Variants in CDH8 observed in about 807,000 individuals in gnomAD.
CDH8 encodes the protein cadherin 8.
In CDH8, 17 loss-of-function variants were observed where a neutral mutation model predicts 68.1. The observed-to-expected ratio is 0.25, with a 90% CI of 0.17 to 0.37. The LOEUF (loss-of-function observed/expected upper bound fraction) is 0.37, where lower values mean the gene tolerates loss of function less well. Among genes scored for constraint, CDH8 ranks in the 10% least tolerant of loss-of-function variants. The probability of loss-of-function intolerance (pLI) is 1.00; values close to 1 mark genes in which losing one functional copy is unlikely to be tolerated. For missense variants in CDH8, 763 were observed against 999.3 expected, an observed-to-expected ratio of 0.76 and a Z score of 3.19; for synonymous variants, 372 against 365.1, an observed-to-expected ratio of 1.02 and a Z score of -0.21.
intron 8 of CDH8, among the ~76,000 whole-genome samples, chr16:61,747,770 A>G (rs1766996401): frequency 6.6e-6 from 1 of 151,848 alleles, no homozygotes; most frequent in Admixed American, 6.6e-5. Flanking sequence ...AATTGTTGGC[A>G]CACTAAAATA....
chr16:61,666,206 G>GTGTGTGTGTA (rs372906173), intron 10 of CDH8, among the ~76,000 whole-genome samples: 3 of 145,500 alleles, frequency 2.1e-5, no homozygotes, highest in African/African-American at 7.7e-5. Context: ...GTGTGTGTGT[G>GTGTGTGTGTA]TATATATATA....
intron 10 of CDH8, among the ~76,000 whole-genome samples, chr16:61,670,063 C>G (rs28508215): frequency 0.19 from 28,389 of 151,956 alleles, 2,954 homozygotes; most frequent in Middle Eastern, 0.26. Flanking sequence ...TATTGATTGC[C>G]TATTTTTTCC....
chr16:61,819,919 T>C (rs1436054065), intron 6 of CDH8, among the ~76,000 whole-genome samples: 1 of 152,044 alleles, frequency 6.6e-6, no homozygotes, highest in African/African-American at 2.4e-5. Flanking sequence ...TTGAAGAAAA[T>C]AATCAGGATG....
At chr16:61,693,001 A>C (rs1226775122) in intron 10 of CDH8, 2 of 152,194 alleles carry the variant, frequency 1.3e-5, no homozygotes, top group Non-Finnish European at 2.9e-5. Context: ...AACACACAAA[A>C]TAAATTTGTG....
intron 9 of CDH8, among the ~76,000 whole-genome samples, chr16:61,723,602 T>C (rs560696064): frequency 6.6e-6 from 1 of 150,868 alleles, no homozygotes; most frequent in Admixed American, 6.6e-5. Flanking sequence ...GAAAATTCCA[T>C]GAAGGTAAAA....
At chr16:61,751,536 G>A (rs1960165280) in intron 8 of CDH8, among the ~76,000 whole-genome samples, 1 of 151,822 alleles carries the variant, frequency 6.6e-6, no homozygotes, top group Non-Finnish European at 1.5e-5. Context: ...TAGCTGTCTT[G>A]ATGTGCTTAA....
At chr16:61,948,291 G>A (rs991662888) in intron 2 of CDH8, among the ~76,000 whole-genome samples, 19 of 152,100 alleles carry the variant, frequency 1.2e-4, no homozygotes, top group African/African-American at 3.1e-4. Context: ...AATCATTGTC[G>A]GGTATATTTT....
At chr16:61,819,982 T>C (rs191782390) in intron 6 of CDH8, among the ~76,000 whole-genome samples, 1 of 152,232 alleles carries the variant, frequency 6.6e-6, no homozygotes, top group Admixed American at 6.5e-5. Flanking sequence ...AAGAATGAAC[T>C]ATGTTCTACA....
intron 2 of CDH8, among the ~76,000 whole-genome samples, chr16:61,978,843 G>A (rs1567554110): frequency 1.3e-5 from 2 of 152,112 alleles, no homozygotes; most frequent in South Asian, 2.1e-4. Context: ...CCCTGTGTAT[G>A]GAGCTGTAAC....
chr16:61,687,195 G>A (rs1964126813), intron 10 of CDH8, among the ~76,000 whole-genome samples: 1 of 151,622 alleles, frequency 6.6e-6, no homozygotes, highest in Admixed American at 6.6e-5. Context: ...AATAAAAAGG[G>A]AAGAAACACA....
Position 61,708,574 on chromosome 16 carries a change from A to G in CDH8, c.1654+5267T>C, listed in dbSNP as rs577360381. ...GCAAAGAAAACCTCCTTGTCTTGTG[A>G]CACTAAGTGTACAGTCATATGCAAC... is the stretch of plus-strand genomic sequence containing the variant. On this transcript the variant is annotated intron_variant, in intron 10 of 11. Coordinates refer to ENST00000577390, the MANE Select transcript of CDH8 (RefSeq NM_001796.5). Among the ~76,000 whole-genome samples, 558 of 152,346 alleles carry G rather than the reference A, an allele frequency of 3.7e-3. 2 individuals carry two copies. Among genetic ancestry groups the G allele is most frequent in the Non-Finnish European group, 6.3e-3 (430 of 68,018 alleles).
At chr16:61,661,110 A>G (rs1241137293) in intron 10 of CDH8, among the ~76,000 whole-genome samples, 1 of 152,080 alleles carries the variant, frequency 6.6e-6, no homozygotes, top group Non-Finnish European at 1.5e-5. Flanking sequence ...TTTTCAGCAT[A>G]AAATATCTAT....
intron 2 of CDH8, among the ~76,000 whole-genome samples, chr16:61,931,798 G>A (rs147364671): frequency 9.1e-4 from 139 of 152,210 alleles, no homozygotes; most frequent in African/African-American, 3.3e-3. Flanking sequence ...AATACTAAAG[G>A]TGTGGTCCTA....
At chr16:61,771,205 T>C (rs1292063157) in intron 8 of CDH8, among the ~76,000 whole-genome samples, 1 of 151,932 alleles carries the variant, frequency 6.6e-6, no homozygotes, top group Non-Finnish European at 1.5e-5. Context: ...ACCTGACACA[T>C]CAATTCCTGT....
intron 2 of CDH8, among the ~76,000 whole-genome samples, chr16:61,964,688 G>A (rs1175246840): frequency 2.6e-5 from 4 of 152,008 alleles, no homozygotes; most frequent in South Asian, 2.1e-4. Context: ...CCCTGAAATC[G>A]TCAATGGATC....
chr16:61,692,965 C>T (rs919281042), intron 10 of CDH8: 7 of 151,996 alleles, frequency 4.6e-5, no homozygotes, highest in South Asian at 2.1e-4. Flanking sequence ...AAAGTGCCTA[C>T]GATAACATGA....
intron 2 of CDH8, among the ~76,000 whole-genome samples, chr16:61,927,412 T>C (rs1357330135): frequency 1.3e-5 from 2 of 152,098 alleles, no homozygotes; most frequent in Non-Finnish European, 2.9e-5. Flanking sequence ...ATATTTTTAA[T>C]GTTAAATCAT....
At chr16:61,717,280 G>T (rs1186325150) in intron 9 of CDH8, among the ~76,000 whole-genome samples, 1 of 151,542 alleles carries the variant, frequency 6.6e-6, no homozygotes, top group Non-Finnish European at 1.5e-5. Context: ...AGAAAACAAA[G>T]CATATCTGGG....
At chr16:61,862,168 C>G (rs944480785) in intron 3 of CDH8, among the ~76,000 whole-genome samples, 29 of 146,544 alleles carry the variant, frequency 2.0e-4, no homozygotes, top group African/African-American at 7.0e-4. Flanking sequence ...CACACACACA[C>G]AGTATCTCAT....
Sources: gnomAD v4.1 joint callset for allele counts (sites outside exome capture counted in the v4.1 genomes callset) on GRCh38, gnomAD v4.1.1 for gene constraint, MANE v1.5 for transcripts, NCBI Gene and HGNC (gene_info 2026-07-23, HGNC 2026-07-21) for gene names.